Variants in CARMIL1 observed in about 807,000 individuals in gnomAD.
The protein encoded by CARMIL1 is F-actin-uncapping protein LRRC16A.
In CARMIL1, 90 loss-of-function variants were observed where a neutral mutation model predicts 177.1. The ratio of observed to expected loss-of-function variants is 0.51; its 90% confidence interval spans 0.43 to 0.61. The LOEUF (loss-of-function observed/expected upper bound fraction) is 0.61. CARMIL1 is among the 20% of genes least tolerant of loss of function. The probability of loss-of-function intolerance (pLI) is 0.00; values close to 1 mark genes in which losing one functional copy is unlikely to be tolerated. For synonymous variants in CARMIL1, 577 were observed against 606.2 expected, an observed-to-expected ratio of 0.95 and a Z score of 0.71; for missense variants, 1,380 against 1,667.0, an observed-to-expected ratio of 0.83 and a Z score of 3.00.
chr6:25,593,981 G>A (rs1582469410), intron 31 of CARMIL1, among the ~76,000 whole-genome samples: 2 of 152,252 alleles, frequency 1.3e-5, no homozygotes, highest in South Asian at 2.1e-4. Flanking sequence ...GCCAGTAATA[G>A]CATCTACTAT....
chr6:25,332,742 T>TACACACACACACACACAC lies in CARMIL1; in HGVS notation c.138+47846_138+47863dup, dbSNP rs35133749. Among the ~76,000 whole-genome samples, 655 of 140,148 alleles carry TACACACACACACACACAC rather than the reference T, an allele frequency of 4.7e-3. 10 individuals carry two copies. Among genetic ancestry groups the TACACACACACACACACAC allele is most frequent in the Admixed American group, 8.1e-3 (115 of 14,208 alleles). The allele number at this position is 140,148 out of a possible 152,430, so 91.9% of individuals were successfully genotyped here. ...GCACCACCCACCATGCAAACATGCA[T>TACACACACACACACACAC]ACACACACACACACACACACACACA... is the stretch of plus-strand genomic sequence containing the variant. On this transcript the variant is annotated intron_variant, in intron 2 of 36. Transcript: ENST00000329474.
At chr6:25,387,901 T>C (rs1042138885) in intron 2 of CARMIL1, among the ~76,000 whole-genome samples, 2 of 152,156 alleles carry the variant, frequency 1.3e-5, no homozygotes, top group African/African-American at 4.8e-5. Flanking sequence ...TTTCTTTGCC[T>C]CTAGCTGTGA....
At chr6:25,528,300 G>A (rs1373291147) in intron 23 of CARMIL1, among the ~76,000 whole-genome samples, 3 of 152,040 alleles carry the variant, frequency 2.0e-5, no homozygotes, top group African/African-American at 7.2e-5. Flanking sequence ...ATCTTGTTGC[G>A]ATTCTTTCTC....
intron 17 of CARMIL1, among the ~76,000 whole-genome samples, chr6:25,506,298 G>T (rs1450463468): frequency 6.6e-6 from 1 of 152,252 alleles, no homozygotes; most frequent in East Asian, 1.9e-4. Context: ...TGTCATCCCA[G>T]CACTTTGGGA....
intron 20 of CARMIL1, among the ~76,000 whole-genome samples, chr6:25,511,538 A>G (rs1392649229): frequency 1.3e-5 from 2 of 152,212 alleles, no homozygotes; most frequent in African/African-American, 4.8e-5. Context: ...TATTCCTACT[A>G]TGAAGAGTCA....
At position 25,510,745 on chromosome 6, in the gene CARMIL1, A is replaced by C; in HGVS notation, c.1615A>C (p.Ile539Leu). ...TPVLDNLVQM[I>L]QDEESPLQSL... ...TGTATTGGACAACTTAGTACAGATGATTCAAGATGAAGAATCAGTGAGTAT... is the reference window on the plus strand; with the variant it reads ...TGTATTGGACAACTTAGTACAGATGCTTCAAGATGAAGAATCAGTGAGTAT... The change falls in exon 20 of 37, where the codon ATT (isoleucine) becomes CTT (leucine). Residue 539 changes from isoleucine to leucine, a missense_variant. Coordinates refer to ENST00000329474, the MANE Select transcript of CARMIL1 (RefSeq NM_017640.6). 2 of 1,542,478 alleles carry C rather than the reference A, an allele frequency of 1.3e-6. No homozygotes were observed. Among genetic ancestry groups the C allele is most frequent in the Non-Finnish European group, 1.8e-6 (2 of 1,138,730 alleles).
intron 31 of CARMIL1, among the ~76,000 whole-genome samples, chr6:25,587,567 C>G (rs1813879636): frequency 6.6e-6 from 1 of 152,132 alleles, no homozygotes; most frequent in Non-Finnish European, 1.5e-5. Context: ...TTAATATTAT[C>G]TTTACAATAT....
intron 2 of CARMIL1, among the ~76,000 whole-genome samples, chr6:25,289,348 G>A (rs1781759584): frequency 6.6e-6 from 1 of 151,972 alleles, no homozygotes. Context: ...TATAGTACTT[G>A]GAGTGTAAAA....
intron 11 of CARMIL1, among the ~76,000 whole-genome samples, chr6:25,480,130 A>G (rs1366212508): frequency 6.6e-6 from 1 of 152,134 alleles, no homozygotes; most frequent in Non-Finnish European, 1.5e-5. Flanking sequence ...CTTTGAAGAA[A>G]TGTATTCTGT....
At chr6:25,504,251 AAT>A (rs1393910992) in intron 17 of CARMIL1, among the ~76,000 whole-genome samples, 1 of 152,142 alleles carries the variant, frequency 6.6e-6, no homozygotes, top group Non-Finnish European at 1.5e-5. Context: ...GAAAGGGGAA[AAT>A]AGTCTTAAAG....
At chr6:25,373,580 T>C (rs1790650956) in intron 2 of CARMIL1, among the ~76,000 whole-genome samples, 1 of 148,882 alleles carries the variant, frequency 6.7e-6, no homozygotes, top group Non-Finnish European at 1.5e-5. Flanking sequence ...TTTTCATCTC[T>C]CTCTCTCTCT....
chr6:25,305,351 G>A (rs1006084147), intron 2 of CARMIL1, among the ~76,000 whole-genome samples: 7 of 152,292 alleles, frequency 4.6e-5, no homozygotes, highest in Non-Finnish European at 8.8e-5. Flanking sequence ...GGAGAAAAGG[G>A]CATGGCTATT....
intron 1 of CARMIL1, among the ~76,000 whole-genome samples, chr6:25,280,161 T>C (rs1780958483): frequency 6.6e-6 from 1 of 152,162 alleles, no homozygotes; most frequent in Admixed American, 6.5e-5. Context: ...GCGGGCCATC[T>C]TAGACTTGGG....
In CARMIL1 at chr6:25,420,133, C is replaced by G. The variant is rs766532521; in HGVS notation, c.158C>G (p.Ala53Gly). ...NKVLVLTSCRAFLVTARIPTK... is the reference protein window; with the variant it reads ...NKVLVLTSCRGFLVTARIPTK... ...TTACAGGTCCTTACATCATGCCGAG[C>G]CTTCCTTGTAACAGCGCGAATCCCC... Residue 53 changes from alanine (A) to glycine (G), a missense_variant, in exon 3 of 37, where the codon GCC (alanine) becomes GGC (glycine). Physicochemically the swap from Ala to Gly is moderately conservative, Grantham distance 60. Coordinates refer to ENST00000329474, the MANE Select transcript of CARMIL1 (RefSeq NM_017640.6). The G allele has an allele frequency of 1.9e-6, 3 of 1,613,416 alleles. No homozygotes were observed. The highest frequency in any genetic ancestry group is 1.6e-4 in the Middle Eastern group (1 of 6,080).
chr6:25,593,121 A>G (rs147892785), intron 31 of CARMIL1, among the ~76,000 whole-genome samples: 58 of 152,252 alleles, frequency 3.8e-4, no homozygotes, highest in African/African-American at 1.3e-3. Flanking sequence ...CCCAAATATG[A>G]TATTTGTAAC....
At chr6:25,595,493 C>T (rs1244412268) in intron 32 of CARMIL1, among the ~76,000 whole-genome samples, 3 of 152,130 alleles carry the variant, frequency 2.0e-5, no homozygotes, top group Non-Finnish European at 4.4e-5. Context: ...TTCTTTGACA[C>T]TGGCCTTGAA....
At chr6:25,586,640 G>A (rs1813736769) in intron 31 of CARMIL1, among the ~76,000 whole-genome samples, 1 of 152,002 alleles carries the variant, frequency 6.6e-6, no homozygotes, top group Admixed American at 6.5e-5. Flanking sequence ...CCGAGATCAC[G>A]CCACTGCACT....
chr6:25,384,652 G>C (rs574090948), intron 2 of CARMIL1, among the ~76,000 whole-genome samples: 1 of 152,172 alleles, frequency 6.6e-6, no homozygotes, highest in Non-Finnish European at 1.5e-5. Context: ...CTTTCAGAAT[G>C]CGACCTATGG....
intron 1 of CARMIL1, among the ~76,000 whole-genome samples, chr6:25,280,330 T>C (rs569565772): frequency 6.6e-6 from 1 of 152,196 alleles, no homozygotes; most frequent in South Asian, 2.1e-4. Flanking sequence ...CGGGAGGTGA[T>C]CTTCTGACAC....
Sources: gnomAD v4.1 joint callset for allele counts (sites outside exome capture counted in the v4.1 genomes callset) on GRCh38, gnomAD v4.1.1 for gene constraint, MANE v1.5 for transcripts, NCBI Gene and HGNC (gene_info 2026-07-23, HGNC 2026-07-21) for gene names.